Variants in MYO16 observed in about 807,000 individuals in gnomAD.
MYO16 encodes the protein unconventional myosin-XVI.
In MYO16, 94 loss-of-function variants were observed where a neutral mutation model predicts 205.3. The observed-to-expected ratio is 0.46, with a 90% CI of 0.39 to 0.54. The LOEUF is 0.54. Among genes scored for constraint, MYO16 ranks in the 20% least tolerant of loss-of-function variants. The probability of loss-of-function intolerance (pLI) is 0.00; values close to 1 mark genes in which losing one functional copy is unlikely to be tolerated. For missense variants in MYO16, 2,315 were observed against 2,387.5 expected (o/e 0.97, Z 0.63); for synonymous variants, 988 against 954.0 (o/e 1.04, Z -0.66).
At chr13:108,865,523 T>C (rs1386615177) in intron 11 of MYO16, among the ~76,000 whole-genome samples, 1 of 152,100 alleles carries the variant, frequency 6.6e-6, no homozygotes, top group East Asian at 1.9e-4. Flanking sequence ...CTTTTCCCTT[T>C]TTTTTTAGTC....
chr13:108,553,302 A>G, the MYO16 span, among the ~76,000 whole-genome samples: 1 of 152,116 alleles, frequency 6.6e-6, no homozygotes, highest in East Asian at 1.9e-4. Context: ...TAATACTCTT[A>G]CAATGACAAT....
chr13:108,600,459 A>G (rs947468304), intron 1 of MYO16, among the ~76,000 whole-genome samples: 15 of 152,332 alleles, frequency 9.8e-5, no homozygotes, highest in African/African-American at 3.6e-4. Context: ...TCCTTTGTTA[A>G]CATTGTATTA....
At chr13:108,523,411 C>A in the MYO16 span, among the ~76,000 whole-genome samples, 1 of 152,234 alleles carries the variant, frequency 6.6e-6, no homozygotes, top group Admixed American at 6.5e-5. Context: ...CCCTGGCCGG[C>A]AGTCTCCCAT....
In MYO16 at chr13:108,791,717, A is replaced by T. The variant is rs544688135; in HGVS notation, c.617-1799A>T. Among the ~76,000 whole-genome samples the T allele has an allele frequency of 2.6e-5, 4 of 152,348 alleles. No homozygotes were observed. The South Asian group carries it at 8.3e-4, about 32-fold the overall frequency. ...GCCCCATGGGGAGAAAAGATACCAG[A>T]TATGCAACACGCTTGATGTGGTTTC... is the stretch of plus-strand genomic sequence containing the variant. On this transcript the variant is annotated intron_variant, in intron 5 of 34. Transcript: ENST00000457511.
intron 16 of MYO16, among the ~76,000 whole-genome samples, chr13:108,923,818 C>A (rs1415894454): frequency 6.6e-6 from 1 of 152,198 alleles, no homozygotes; most frequent in African/African-American, 2.4e-5. Flanking sequence ...TAGTAAACCT[C>A]ATCAACAAGC....
chr13:108,621,557 A>G (rs1189504933), intron 1 of MYO16, among the ~76,000 whole-genome samples: 3 of 152,112 alleles, frequency 2.0e-5, no homozygotes, highest in Non-Finnish European at 4.4e-5. Flanking sequence ...TGTCCATTGT[A>G]TAAGCACTAC....
chr13:108,726,717 C>T (rs1884353824), intron 3 of MYO16, among the ~76,000 whole-genome samples: 1 of 152,058 alleles, frequency 6.6e-6, no homozygotes, highest in Non-Finnish European at 1.5e-5. Context: ...AGTGCAGTTG[C>T]ATAGATTGTA....
At chr13:108,612,340 C>A (rs2139320555) in intron 1 of MYO16, among the ~76,000 whole-genome samples, 1 of 152,144 alleles carries the variant, frequency 6.6e-6, no homozygotes, top group Admixed American at 6.6e-5. Context: ...GTAATAATAT[C>A]ATTGAATCAA....
chr13:108,936,953 T>A (rs1373511109), intron 16 of MYO16, among the ~76,000 whole-genome samples: 1 of 152,194 alleles, frequency 6.6e-6, no homozygotes, highest in Admixed American at 6.5e-5. Context: ...GTGTACTATG[T>A]ACTTAAGTGT....
At chr13:108,866,057 T>C (rs1878695878) in intron 11 of MYO16, 120 bp from the exon 12 acceptor site, 2 of 598,162 alleles carry the variant, frequency 3.3e-6, no homozygotes, top group African/African-American at 1.9e-5. Context: ...AGCAAAATAC[T>C]AAAGTAGATT....
At chr13:109,110,340 G>A (rs78873420) in intron 28 of MYO16, among the ~76,000 whole-genome samples, 22,128 of 152,164 alleles carry the variant, frequency 0.15, 1,730 homozygotes, top group Middle Eastern at 0.18. Flanking sequence ...ATGAAATAAC[G>A]TATAGAATTA....
chr13:108,833,489 C>G (rs1876731727), intron 9 of MYO16, among the ~76,000 whole-genome samples: 1 of 152,068 alleles, frequency 6.6e-6, no homozygotes, highest in East Asian at 1.9e-4. Context: ...TTTTAAGCAC[C>G]AAAATAACCA....
intron 1 of MYO16, among the ~76,000 whole-genome samples, chr13:108,619,776 G>A (rs901450784): frequency 6.6e-6 from 1 of 152,074 alleles, no homozygotes; most frequent in Non-Finnish European, 1.5e-5. Flanking sequence ...TCTCTCCTAT[G>A]TGTGTCCTCC....
chr13:108,818,466 G>T (rs1448997424), intron 7 of MYO16, among the ~76,000 whole-genome samples: 2 of 145,628 alleles, frequency 1.4e-5, no homozygotes, highest in Admixed American at 1.3e-4. Flanking sequence ...AAATAAAAAA[G>T]AGAGAGATTA....
intron 11 of MYO16, among the ~76,000 whole-genome samples, chr13:108,862,796 A>G (rs190937048): frequency 6.6e-6 from 1 of 152,300 alleles, no homozygotes; most frequent in Non-Finnish European, 1.5e-5. Flanking sequence ...GAAATAATTG[A>G]GAGTTTTACA....
intron 20 of MYO16, among the ~76,000 whole-genome samples, chr13:108,985,078 G>A (rs1049038776): frequency 6.6e-6 from 1 of 152,114 alleles, no homozygotes; most frequent in Non-Finnish European, 1.5e-5. Flanking sequence ...ACCAAAAGTT[G>A]TTCAAATACA....
Position 108,964,812 on chromosome 13 carries a change from A to G in MYO16, c.2279A>G (p.Asp760Gly). 6.2e-7 allele frequency: 1 copy of G among 1,614,042 alleles called. No homozygotes were observed. Among genetic ancestry groups the G allele is most frequent in the Non-Finnish European group, 8.5e-7 (1 of 1,179,992 alleles). Reference sequence around the variant, plus strand: ...ATACAGATTGCTGAGTTTTTCCGAGACCTCTTGGCCAAGTCCCTGTACAGT... The same window carrying G: ...ATACAGATTGCTGAGTTTTTCCGAGGCCTCTTGGCCAAGTCCCTGTACAGT... ...HTIQIAEFFRDLLAKSLYSRL... is the reference protein window; with the variant it reads ...HTIQIAEFFRGLLAKSLYSRL... The change falls in exon 20 of 35, where the codon GAC (aspartate) becomes GGC (glycine). Residue 760 changes from aspartate (D) to glycine (G), a missense_variant. This residue lies in a region of MYO16 where 1,213 missense variants were observed against 1,274.4 expected (regional missense o/e 0.95). Transcript: ENST00000457511.
chr13:108,817,557 T>C (rs139840817), intron 7 of MYO16, among the ~76,000 whole-genome samples: 14 of 152,326 alleles, frequency 9.2e-5, no homozygotes, highest in Admixed American at 9.2e-4. Context: ...AGAAATGTTC[T>C]ATATCTTATT....
At chr13:108,650,354 G>A (rs1174829053) in intron 1 of MYO16, among the ~76,000 whole-genome samples, 2 of 152,144 alleles carry the variant, frequency 1.3e-5, no homozygotes, top group East Asian at 3.9e-4. Flanking sequence ...TCAGACTAAA[G>A]GCATCCAGGA....
Sources: gnomAD v4.1 joint callset for allele counts (sites outside exome capture counted in the v4.1 genomes callset) on GRCh38, gnomAD v4.1.1 for gene constraint, gnomAD v4.1.1 regional missense constraint, MANE v1.5 for transcripts, NCBI Gene and HGNC (gene_info 2026-07-23, HGNC 2026-07-21) for gene names.